Variants in ASPG observed in about 807,000 individuals in gnomAD.
ASPG encodes asparaginase.
In ASPG, 53 loss-of-function variants were observed where a neutral mutation model predicts 63.2. The ratio of observed to expected loss-of-function variants is 0.84; its 90% CI spans 0.67 to 1.05. ASPG has a LOEUF of 1.05. Ranked by LOEUF, ASPG falls within the 50% of genes least tolerant of loss-of-function variation. The pLI, the probability that ASPG is intolerant of heterozygous loss-of-function variation, is 0.00. For missense variants in ASPG, 741 were observed against 794.4 expected, an observed-to-expected ratio of 0.93 and a Z score of 0.81; for synonymous variants, 370 against 355.0, an observed-to-expected ratio of 1.04 and a Z score of -0.48.
Position 104,107,360 on chromosome 14 carries a change from G to A in ASPG, c.1433+15G>A, listed in dbSNP as rs1250363254. 4 of 1,507,802 alleles carry A rather than the reference G, an allele frequency of 2.7e-6. No individual in the cohort carries two copies. The East Asian group carries it at 7.1e-5, about 27-fold the overall frequency. 93.4% of individuals were successfully genotyped at this position (1,507,802 alleles called of 1,614,324 possible). Reference sequence around the variant, plus strand: ...GTGCGGGGCAGGTAATGGAGCTAGGGCTGCACAGAGCTGCCTTGGACAGGT... The same window carrying A: ...GTGCGGGGCAGGTAATGGAGCTAGGACTGCACAGAGCTGCCTTGGACAGGT... On this transcript the variant is annotated intron_variant, in intron 12 of 15. Transcript: ENST00000551177.
intron 6 of ASPG, among the ~76,000 whole-genome samples, chr14:104,101,943 C>T (rs1338250133): frequency 1.3e-5 from 2 of 152,292 alleles, no homozygotes; most frequent in African/African-American, 4.8e-5. Flanking sequence ...CTCCTCTCTG[C>T]CCCCGGGTGT....
chr14:104,085,891 TGG>T (rs915417959), intron 1 of ASPG, 39 bp downstream of exon 1: 1 of 1,535,502 alleles, frequency 6.5e-7, no homozygotes, highest in African/African-American at 1.4e-5. Context: ...CCTCTGGACC[TGG>T]CCGCGACCGG....
chr14:104,098,336 G>T (rs1050345819), intron 5 of ASPG, among the ~76,000 whole-genome samples: 2 of 152,122 alleles, frequency 1.3e-5, no homozygotes, highest in African/African-American at 4.8e-5. Flanking sequence ...TTCCTGTGGC[G>T]TCCCAGGAAG....
At position 104,109,328 on chromosome 14, in the gene ASPG, A is replaced by G; in HGVS notation, c.1520+13A>G. 1 of 1,598,564 alleles carries G rather than the reference A, an allele frequency of 6.3e-7. No homozygotes were observed. On this transcript the variant is annotated intron_variant, in intron 13 of 15. Transcript: ENST00000551177. This position sits in a 1 kb window ranked among gnomAD's most constrained non-coding sequence, Gnocchi z 4.8. ...CGGAGCTGTGCAGGTGAGTGCAGCT[A>G]GAGCACCTGCTCTTCCAGGGATGTG...
chr14:104,097,488 G>C (rs2036644603), intron 4 of ASPG, 66 bp from the exon 5 acceptor site: 3 of 1,464,446 alleles, frequency 2.0e-6, no homozygotes, highest in African/African-American at 1.4e-5. Context: ...TACCTGGAGA[G>C]ATGAGCCAGA....
At chr14:104,097,919 G>C (rs893623896) in intron 5 of ASPG, among the ~76,000 whole-genome samples, 4 of 119,054 alleles carry the variant, frequency 3.4e-5, no homozygotes, top group Admixed American at 1.7e-4. Context: ...TGGAGGTTCT[G>C]CGTTAGAGAT....
chr14:104,100,683 C>G (rs768157781), intron 6 of ASPG, among the ~76,000 whole-genome samples: 1 of 152,106 alleles, frequency 6.6e-6, no homozygotes, highest in Non-Finnish European at 1.5e-5. Context: ...TGCAGCACAC[C>G]GGGTCTCAGG....
At chr14:104,092,181 T>C (rs2036388259) in intron 1 of ASPG, among the ~76,000 whole-genome samples, 1 of 151,976 alleles carries the variant, frequency 6.6e-6, no homozygotes, top group Non-Finnish European at 1.5e-5. Context: ...GGGGGTGGTG[T>C]CCCAATCTGG....
intron 6 of ASPG, 51 bp downstream of exon 6, chr14:104,099,030 C>G (rs1022053737): frequency 3.3e-6 from 5 of 1,533,128 alleles, no homozygotes; most frequent in African/African-American, 1.4e-5. Flanking sequence ...TGGTGCTGGG[C>G]GAGGGGCTGC....
intron 12 of ASPG, among the ~76,000 whole-genome samples, chr14:104,108,172 T>C (rs2037223260): frequency 6.6e-6 from 1 of 151,770 alleles, no homozygotes; most frequent in African/African-American, 2.4e-5. Context: ...AGTGGGTGAC[T>C]GGGGTAGAAG....
chr14:104,092,962 C>T, intron 2 of ASPG: 1 of 571,058 alleles, frequency 1.8e-6, no homozygotes. Context: ...CCCTCCCCAC[C>T]CTCCTCCCAC....
intron 7 of ASPG, among the ~76,000 whole-genome samples, chr14:104,104,093 G>A (rs1188323824): frequency 6.6e-6 from 1 of 152,238 alleles, no homozygotes; most frequent in Admixed American, 6.5e-5. Flanking sequence ...CCTACAGACA[G>A]GGCGACCCTT....
chr14:104,098,767 C>T, intron 5 of ASPG, 86 bp from the exon 6 acceptor site: 1 of 1,564,830 alleles, frequency 6.4e-7, no homozygotes, highest in Non-Finnish European at 8.7e-7. Flanking sequence ...CTGGGCACCT[C>T]ATTGATGGCA....
Position 104,098,062 on chromosome 14 carries a change from G to A in ASPG, c.513+425G>A, listed in dbSNP as rs111726153. On this transcript the variant is annotated intron_variant, in intron 5 of 15. Transcript: ENST00000551177. ...TATGGAGGTTTTGCGTTAGAGATGC[G>A]TATGGAGGTTTTGCGTTAGAGATGC... 5.0e-3 allele frequency among the ~76,000 whole-genome samples: 429 copies of A among 86,346 alleles called. 42 individuals carry two copies. The highest frequency in any genetic ancestry group is 9.9e-3 in the African/African-American group (237 of 23,858). 56.6% of individuals were successfully genotyped at this position (86,346 alleles called of 152,430 possible).
intron 6 of ASPG, among the ~76,000 whole-genome samples, chr14:104,100,221 G>C (rs538881593): frequency 6.6e-6 from 1 of 152,168 alleles, no homozygotes; most frequent in Non-Finnish European, 1.5e-5. Context: ...CCTGGCATGA[G>C]GGGGCCCTGG....
chr14:104,112,072 G>C lies in ASPG; in HGVS notation c.1701+72G>C, dbSNP rs1043161411. The C allele has an allele frequency of 2.5e-5, 36 of 1,417,538 alleles. No individual in the cohort carries two copies. In the African/African-American group the frequency reaches 3.0e-4, roughly 12 times the overall value. The allele number at this position is 1,417,538 out of a possible 1,614,324, so 87.8% of individuals were successfully genotyped here. A position where few individuals can be genotyped will look rare whatever the true frequency, so the allele number is the denominator to read the frequency against. ...AGTGCAGGGCTGGATCCTGGCTCGG[G>C]GGGGCGTAATCAAGGGGAACAGAAC... On this transcript the variant is annotated intron_variant, in intron 15 of 15. Transcript: ENST00000551177.
intron 2 of ASPG, chr14:104,093,226 C>T (rs961480238): frequency 3.5e-6 from 2 of 564,738 alleles, no homozygotes; most frequent in African/African-American, 3.8e-5. Context: ...ATGGCTGGTC[C>T]CAGCCCCCCT....
At chr14:104,107,013 G>A in intron 11 of ASPG, 119 bp downstream of exon 11, 1 of 1,312,588 alleles carries the variant, frequency 7.6e-7, no homozygotes, top group Admixed American at 2.5e-5. Flanking sequence ...TTGTCAGCCA[G>A]ACTGGGCAGC....
At chr14:104,097,672 G>T (rs1399898626) in intron 5 of ASPG, 35 bp downstream of exon 5, 4 of 1,545,680 alleles carry the variant, frequency 2.6e-6, no homozygotes, top group Non-Finnish European at 2.6e-6. Context: ...CGGGGCAGGT[G>T]GGGTGGGGGC....
Sources: allele counts gnomAD v4.1 joint callset (sites outside exome capture counted in the v4.1 genomes callset), GRCh38; gene constraint gnomAD v4.1.1; non-coding constraint Gnocchi (gnomAD v3.1); transcripts MANE v1.5; gene names NCBI Gene and HGNC (gene_info 2026-07-23, HGNC 2026-07-21).